CELF4: variants seen among roughly 807,000 people sequenced by gnomAD.
CELF4 encodes CUG-BP- and ETR-3-like factor 4.
A neutral mutation model predicts 59.9 loss-of-function variants in CELF4; 18 were observed. That is an observed-to-expected ratio of 0.30 (90% CI 0.21 to 0.45). The LOEUF is 0.45. Among genes scored for constraint, CELF4 ranks in the 20% least tolerant of loss-of-function variants. CELF4 has a pLI of 1.00. For missense variants in CELF4, 456 were observed against 689.0 expected (o/e 0.66, Z 3.79); for synonymous variants, 261 against 267.1 (o/e 0.98, Z 0.22).
At chr18:37,435,700 G>A (rs535528289) in intron 2 of CELF4, among the ~76,000 whole-genome samples, 1 of 152,278 alleles carries the variant, frequency 6.6e-6, no homozygotes, top group South Asian at 2.1e-4. Context: ...CAAGGCACTG[G>A]CTCCCAGGCG....
intron 2 of CELF4, among the ~76,000 whole-genome samples, chr18:37,480,657 T>C (rs950556923): frequency 7.9e-5 from 12 of 152,050 alleles, no homozygotes; most frequent in African/African-American, 2.4e-4. Context: ...AGCCCCCGTA[T>C]GGTGATGGGG....
chr18:37,413,042 C>G (rs982435101), intron 2 of CELF4, among the ~76,000 whole-genome samples: 2 of 152,194 alleles, frequency 1.3e-5, no homozygotes, highest in African/African-American at 4.8e-5. Flanking sequence ...TATTGGCTCG[C>G]TCTTCAATCA....
At chr18:37,351,637 G>T (rs571675818) in intron 2 of CELF4, among the ~76,000 whole-genome samples, 1 of 138,422 alleles carries the variant, frequency 7.2e-6, no homozygotes, top group African/African-American at 2.8e-5. Context: ...TTGAGACAGG[G>T]TCTCACTCTA....
At chr18:37,248,899 C>A (rs1252579268) in intron 12 of CELF4, among the ~76,000 whole-genome samples, 1 of 150,356 alleles carries the variant, frequency 6.7e-6, no homozygotes, top group East Asian at 2.0e-4. Context: ...GCTTTCCAGT[C>A]CACAGGCTTC....
chr18:37,541,344 C>T (rs1279524934), intron 1 of CELF4, among the ~76,000 whole-genome samples: 4 of 152,000 alleles, frequency 2.6e-5, no homozygotes, highest in East Asian at 1.9e-4. Context: ...TCGTCCTGGG[C>T]GCCTCTCTTT....
intron 2 of CELF4, among the ~76,000 whole-genome samples, chr18:37,329,726 G>A (rs1017508060): frequency 6.6e-6 from 1 of 152,230 alleles, no homozygotes; most frequent in African/African-American, 2.4e-5. Context: ...GAGACTCCAA[G>A]CCCCATGGAC....
chr18:37,396,154 A>T (rs1008463550), intron 2 of CELF4, among the ~76,000 whole-genome samples: 1 of 152,134 alleles, frequency 6.6e-6, no homozygotes, highest in Non-Finnish European at 1.5e-5. Context: ...CTGCAAGAAG[A>T]CTCTGACTTG....
At chr18:37,543,559 C>T (rs1221423191) in intron 1 of CELF4, among the ~76,000 whole-genome samples, 1 of 152,134 alleles carries the variant, frequency 6.6e-6, no homozygotes, top group East Asian at 1.9e-4. Flanking sequence ...TGCAGCCCAG[C>T]ACTGGGCACA....
At chr18:37,435,184 C>T (rs1419436417) in intron 2 of CELF4, among the ~76,000 whole-genome samples, 1 of 152,260 alleles carries the variant, frequency 6.6e-6, no homozygotes, top group Middle Eastern at 3.4e-3. Flanking sequence ...GAACAAACCC[C>T]GTTTTTTAGC....
chr18:37,249,318 C>A (rs2063984582), intron 12 of CELF4, among the ~76,000 whole-genome samples: 1 of 152,176 alleles, frequency 6.6e-6, no homozygotes, highest in Non-Finnish European at 1.5e-5. Context: ...GTGGCAACTG[C>A]AACTCAGGGA....
At chr18:37,307,497 A>G (rs768141507) in intron 3 of CELF4, among the ~76,000 whole-genome samples, 5 of 151,770 alleles carry the variant, frequency 3.3e-5, no homozygotes, top group Non-Finnish European at 7.4e-5. Flanking sequence ...CTCCCCCACC[A>G]CCACAGCGGC....
intron 1 of CELF4, among the ~76,000 whole-genome samples, chr18:37,536,824 C>T (rs2154605278): frequency 6.6e-6 from 1 of 152,280 alleles, no homozygotes; most frequent in East Asian, 1.9e-4. Flanking sequence ...ACATAAAGCT[C>T]CCAGGCCTGG....
At chr18:37,403,256 G>A (rs906264053) in intron 2 of CELF4, among the ~76,000 whole-genome samples, 2 of 152,096 alleles carry the variant, frequency 1.3e-5, no homozygotes, top group Admixed American at 6.5e-5. Context: ...AGCAAGTTTC[G>A]CCTATAATTT....
chr18:37,495,635 C>T (rs1025103987), intron 1 of CELF4, among the ~76,000 whole-genome samples: 3 of 152,062 alleles, frequency 2.0e-5, no homozygotes, highest in African/African-American at 7.2e-5. Context: ...CAGAGAATTC[C>T]CCTTGCTGGA....
chr18:37,403,344 G>T (rs548899887), intron 2 of CELF4, among the ~76,000 whole-genome samples: 56 of 152,270 alleles, frequency 3.7e-4, no homozygotes, highest in African/African-American at 1.2e-3. Flanking sequence ...GCCTGGGAGC[G>T]AAAGCCTCAT....
intron 1 of CELF4, among the ~76,000 whole-genome samples, chr18:37,524,496 TTTTA>T (rs2099961230): frequency 6.6e-6 from 1 of 152,226 alleles, no homozygotes; most frequent in Non-Finnish European, 1.5e-5. Context: ...TCCCCGCTTT[TTTTA>T]TTTGTGTTGA....
chr18:37,306,120 T>A (rs1164292870), intron 3 of CELF4: 1 of 152,220 alleles, frequency 6.6e-6, no homozygotes. Flanking sequence ...CCCTGGGTTT[T>A]GAGCAAACCT....
At chr18:37,558,564 G>GT (rs1430556141) in intron 1 of CELF4, among the ~76,000 whole-genome samples, 7 of 91,562 alleles carry the variant, frequency 7.6e-5, no homozygotes, top group Admixed American at 6.1e-4. Context: ...TGGGGGGCGG[G>GT]TGGGGGGGGC....
intron 3 of CELF4, among the ~76,000 whole-genome samples, chr18:37,292,603 C>A (rs997199798): frequency 6.6e-6 from 1 of 152,158 alleles, no homozygotes; most frequent in Non-Finnish European, 1.5e-5. Context: ...AAACTTGCTG[C>A]GGTTATTAGT....
Sources: gnomAD v4.1 joint callset for allele counts (sites outside exome capture counted in the v4.1 genomes callset) on GRCh38, gnomAD v4.1.1 for gene constraint, MANE v1.5 for transcripts, NCBI Gene and HGNC (gene_info 2026-07-23, HGNC 2026-07-21) for gene names.